EYA1: variants seen among roughly 807,000 people sequenced by gnomAD.
The protein encoded by EYA1 is protein phosphatase EYA1.
In EYA1, 16 loss-of-function variants were observed where a neutral mutation model predicts 82.0. The ratio of observed to expected loss-of-function variants is 0.20; its 90% confidence interval spans 0.13 to 0.30. The LOEUF (loss-of-function observed/expected upper bound fraction) is 0.30. Among genes scored for constraint, EYA1 ranks in the 10% least tolerant of loss-of-function variants. EYA1 has a pLI of 1.00. For missense variants in EYA1, 633 were observed against 730.7 expected, an observed-to-expected ratio of 0.87 and a Z score of 1.54; for synonymous variants, 261 against 264.4, an observed-to-expected ratio of 0.99 and a Z score of 0.12.
intron 2 of EYA1, among the ~76,000 whole-genome samples, chr8:71,426,275 T>G (rs888926785): frequency 6.6e-6 from 1 of 152,150 alleles, no homozygotes; most frequent in Non-Finnish European, 1.5e-5. Flanking sequence ...ACAAGCAAAG[T>G]AGAATTATCG....
intron 3 of EYA1, among the ~76,000 whole-genome samples, chr8:71,338,966 A>G (rs1824814158): frequency 6.6e-6 from 1 of 152,174 alleles, no homozygotes; most frequent in African/African-American, 2.4e-5. Flanking sequence ...AGGGACTTCA[A>G]AAACTCAGTT....
In EYA1 at chr8:71,378,751, G is replaced by A. The variant is rs181780640; in HGVS notation, c.34-22240C>T. On this transcript the variant is annotated intron_variant, in intron 2 of 18. Coordinates refer to the EYA1 transcript ENST00000643681. Reference sequence around the variant, plus strand: ...TCTTGGTCAACCTTTTAGGATATTCGAAACCTTTACTACATCCTAAAGTCA... The same window carrying A: ...TCTTGGTCAACCTTTTAGGATATTCAAAACCTTTACTACATCCTAAAGTCA... Among the ~76,000 whole-genome samples, 35 of 152,094 alleles carry A rather than the reference G, an allele frequency of 2.3e-4. 1 individual carries two copies. The East Asian group carries it at 5.8e-3, about 25-fold the overall frequency.
intron 9 of EYA1, among the ~76,000 whole-genome samples, chr8:71,287,962 C>T (rs1818569970): frequency 2.0e-5 from 3 of 152,296 alleles, no homozygotes; most frequent in Admixed American, 6.5e-5. Context: ...AGAAATAATA[C>T]ACCAAGGAGC....
chr8:71,362,165 T>TTTTTC (rs1554570069), upstream of EYA1: 2 of 977,208 alleles, frequency 2.0e-6, no homozygotes, highest in African/African-American at 3.6e-5. Flanking sequence ...CTTTTTTTTT[T>TTTTTC]TTTTTTTTTT....
chr8:71,300,664 T>C (rs1820108482), intron 7 of EYA1, among the ~76,000 whole-genome samples: 1 of 152,006 alleles, frequency 6.6e-6, no homozygotes, highest in Admixed American at 6.6e-5. Context: ...TACAAAGAGA[T>C]AGCAAAGATA....
chr8:71,433,295 A>G (rs1805761224), intron 2 of EYA1, among the ~76,000 whole-genome samples: 1 of 152,188 alleles, frequency 6.6e-6, no homozygotes, highest in South Asian at 2.1e-4. Context: ...AAGAACATAA[A>G]CATTCCAGGA....
chr8:71,245,468 C>T (rs11778358), intron 11 of EYA1, among the ~76,000 whole-genome samples: 48,785 of 151,558 alleles, frequency 0.32, 8,180 homozygotes, highest in African/African-American at 0.35. Context: ...CCTCATGATC[C>T]GCCTGCCTCA....
At chr8:71,341,807 C>A (rs1825159944) in intron 3 of EYA1, among the ~76,000 whole-genome samples, 1 of 152,162 alleles carries the variant, frequency 6.6e-6, no homozygotes, top group African/African-American at 2.4e-5. Context: ...ACCAAATAAA[C>A]ACATCCAGAC....
chr8:71,445,572 C>G (rs761019835), intron 2 of EYA1, among the ~76,000 whole-genome samples: 4 of 152,162 alleles, frequency 2.6e-5, no homozygotes, highest in Non-Finnish European at 5.9e-5. Flanking sequence ...ATCTCACTTT[C>G]TATATGTGTA....
intron 2 of EYA1, among the ~76,000 whole-genome samples, chr8:71,489,169 G>T (rs998910779): frequency 2.0e-5 from 3 of 152,032 alleles, no homozygotes; most frequent in African/African-American, 7.2e-5. Context: ...CAAAGAGAGG[G>T]GAAAAACACA....
chr8:71,331,489 T>TTATATATATA (rs71264550), intron 4 of EYA1, among the ~76,000 whole-genome samples: 10 of 146,856 alleles, frequency 6.8e-5, no homozygotes, highest in South Asian at 4.3e-4. Flanking sequence ...TATAAATGTT[T>TTATATATATA]TATATATATA....
At chr8:71,374,582 C>T (rs1828261561) in intron 2 of EYA1, among the ~76,000 whole-genome samples, 1 of 152,090 alleles carries the variant, frequency 6.6e-6, no homozygotes. Flanking sequence ...GAAAGTTCCT[C>T]AGAAAATTAA....
intron 9 of EYA1, among the ~76,000 whole-genome samples, chr8:71,290,704 A>G (rs887724060): frequency 6.6e-6 from 1 of 152,128 alleles, no homozygotes. Context: ...CAGGTAACAA[A>G]ACTCATTTTC....
intron 17 of EYA1, among the ~76,000 whole-genome samples, chr8:71,208,408 G>C (rs958665355): frequency 3.3e-5 from 5 of 152,020 alleles, no homozygotes; most frequent in East Asian, 1.9e-4. Flanking sequence ...CTCCAGCCTG[G>C]GTGACGGAGA....
chr8:71,482,500 C>G (rs1810241140), intron 2 of EYA1, among the ~76,000 whole-genome samples: 1 of 152,124 alleles, frequency 6.6e-6, no homozygotes, highest in African/African-American at 2.4e-5. Flanking sequence ...GAAGTTAGAC[C>G]TATGTTTATC....
chr8:71,250,666 T>C (rs181468922), intron 11 of EYA1, among the ~76,000 whole-genome samples: 4 of 152,354 alleles, frequency 2.6e-5, no homozygotes, highest in Admixed American at 2.6e-4. Flanking sequence ...GTAGAATGTT[T>C]TGTTCAATTA....
intron 17 of EYA1, among the ~76,000 whole-genome samples, chr8:71,207,320 T>C (rs181620845): frequency 3.1e-4 from 47 of 152,350 alleles, no homozygotes; most frequent in African/African-American, 1.0e-3. Context: ...ACTATTTATA[T>C]ACTAGTTAAC....
intron 2 of EYA1, among the ~76,000 whole-genome samples, chr8:71,525,448 T>C (rs1813735280): frequency 6.6e-6 from 1 of 152,334 alleles, no homozygotes; most frequent in East Asian, 1.9e-4. Flanking sequence ...TGGAGTACCT[T>C]AGAAAAATTT....
chr8:71,335,397 A>T (rs1018691106), intron 3 of EYA1, among the ~76,000 whole-genome samples: 1 of 152,242 alleles, frequency 6.6e-6, no homozygotes, highest in Non-Finnish European at 1.5e-5. Flanking sequence ...TGAGTAGTTT[A>T]AAAATAAGCA....
Sources: gnomAD v4.1 joint callset for allele counts (sites outside exome capture counted in the v4.1 genomes callset) on GRCh38, gnomAD v4.1.1 for gene constraint, MANE v1.5 for transcripts, NCBI Gene and HGNC (gene_info 2026-07-23, HGNC 2026-07-21) for gene names.